LPIN2: variants seen among roughly 807,000 people sequenced by gnomAD.
LPIN2 encodes the protein lipin 2.
LPIN2 carries 55 observed loss-of-function variants against 111.4 expected under a neutral mutation model. The ratio of observed to expected loss-of-function variants is 0.49; its 90% confidence interval spans 0.40 to 0.62. The LOEUF (loss-of-function observed/expected upper bound fraction) is 0.62, where lower values mean the gene tolerates loss of function less well. Among genes scored for constraint, LPIN2 ranks in the 20% least tolerant of loss-of-function variants. The probability of loss-of-function intolerance (pLI) is 0.00; values close to 1 mark genes in which losing one functional copy is unlikely to be tolerated. For missense variants in LPIN2, 992 were observed against 1,112.1 expected (o/e 0.89, Z 1.54); for synonymous variants, 425 against 414.0 (o/e 1.03, Z -0.32).
intron 1 of LPIN2, among the ~76,000 whole-genome samples, chr18:2,977,652 C>T (rs940733545): frequency 3.3e-5 from 5 of 152,046 alleles, no homozygotes; most frequent in East Asian, 1.9e-4. Context: ...AGTATACTCC[C>T]AAGAGCTAAA....
intron 1 of LPIN2, among the ~76,000 whole-genome samples, chr18:3,009,069 C>T (rs1216213649): frequency 6.6e-6 from 1 of 151,812 alleles, no homozygotes; most frequent in Non-Finnish European, 1.5e-5. Context: ...GAGTCTGAGA[C>T]CAGCCTGCGC....
At chr18:2,951,699 G>T (rs1568561028) in intron 3 of LPIN2, among the ~76,000 whole-genome samples, 1 of 152,146 alleles carries the variant, frequency 6.6e-6, no homozygotes. Flanking sequence ...AAAAATCTCA[G>T]GAGGTGTTAC....
Position 2,919,999 on chromosome 18 carries a change from G to A in LPIN2, c.*294C>T, listed in dbSNP as rs2077028411. On this transcript the variant is annotated 3_prime_UTR_variant, in exon 20 of 20. Coordinates refer to ENST00000677752, the MANE Select transcript of LPIN2 (RefSeq NM_001375808.2). ...TGCTTTTTTCTTCCTTTAAAATGAT[G>A]CAATGGAAGGAGGCCCCAGCTCACA... The A allele has an allele frequency of 9.9e-6, 5 of 503,160 alleles. No individual in the cohort carries two copies. The South Asian group carries it at 1.1e-4, about 11-fold the overall frequency. The allele number at this position is 503,160 out of a possible 1,614,324, so 31.2% of individuals were successfully genotyped here.
intron 1 of LPIN2, among the ~76,000 whole-genome samples, chr18:2,963,887 T>G (rs998905724): frequency 2.6e-5 from 4 of 151,780 alleles, no homozygotes; most frequent in African/African-American, 7.3e-5. Context: ...ATAATCACAC[T>G]GGAAACAACT....
chr18:2,924,018 T>A (rs1041986862), intron 15 of LPIN2, among the ~76,000 whole-genome samples, 157 bp from the exon 16 acceptor site: 5 of 152,194 alleles, frequency 3.3e-5, no homozygotes, highest in Non-Finnish European at 7.4e-5. Context: ...GGCCATCCCA[T>A]GCAAACGCAC....
chr18:2,959,535 T>A (rs1023356231), intron 2 of LPIN2, among the ~76,000 whole-genome samples: 1 of 152,216 alleles, frequency 6.6e-6, no homozygotes, highest in South Asian at 2.1e-4. Context: ...GTTATTTAAG[T>A]AGATACTGCG....
intron 1 of LPIN2, among the ~76,000 whole-genome samples, chr18:3,001,663 T>C (rs2078437485): frequency 6.6e-6 from 1 of 151,910 alleles, no homozygotes; most frequent in Admixed American, 6.6e-5. Flanking sequence ...TGGAATCAAA[T>C]CCCACAAGCA....
At chr18:2,987,328 T>C (rs979449814) in intron 1 of LPIN2, among the ~76,000 whole-genome samples, 2 of 152,180 alleles carry the variant, frequency 1.3e-5, no homozygotes, top group Non-Finnish European at 2.9e-5. Context: ...TGGGTTCCTA[T>C]ACTCCAGATC....
In LPIN2 at chr18:2,924,378, A is replaced by G. The variant is rs751499472; in HGVS notation, c.2087+20T>C. The G allele has an allele frequency of 1.2e-6, 2 of 1,613,890 alleles. No individual in the cohort carries two copies. The highest frequency in any genetic ancestry group is 2.7e-5 in the African/African-American group (2 of 74,874). On this transcript the variant is annotated intron_variant, in intron 15 of 19. Coordinates refer to ENST00000677752, the MANE Select transcript of LPIN2 (RefSeq NM_001375808.2). The stretch of plus-strand genomic sequence containing the variant: ...AGCACGGGGCTGTTCCTTGCCACCC[A>G]CCTGAAGGATTGAGCTTACTTGGTT...
At chr18:2,932,925 G>A (rs761605470) in intron 8 of LPIN2, among the ~76,000 whole-genome samples, 8 of 152,118 alleles carry the variant, frequency 5.3e-5, no homozygotes, top group Non-Finnish European at 5.9e-5. Flanking sequence ...AAATTCCATC[G>A]TGGTAGGCCA....
intron 8 of LPIN2, among the ~76,000 whole-genome samples, chr18:2,931,810 A>G (rs2077217141): frequency 6.6e-6 from 1 of 152,236 alleles, no homozygotes; most frequent in Non-Finnish European, 1.5e-5. Context: ...GGTAATTAAG[A>G]AAATCTGCTG....
At chr18:2,999,745 A>G (rs915208316) in intron 1 of LPIN2, among the ~76,000 whole-genome samples, 1 of 152,142 alleles carries the variant, frequency 6.6e-6, no homozygotes, top group Non-Finnish European at 1.5e-5. Context: ...ACCCACCAGC[A>G]GCTAGGAGAG....
At chr18:2,956,314 G>T (rs1224967628) in intron 2 of LPIN2, among the ~76,000 whole-genome samples, 13 of 35,014 alleles carry the variant, frequency 3.7e-4, no homozygotes, top group Non-Finnish European at 9.5e-4. Flanking sequence ...ATGCAGGGGT[G>T]TGTGTGTGTG....
chr18:3,003,629 A>G (rs139036162), intron 1 of LPIN2, among the ~76,000 whole-genome samples: 1 of 152,304 alleles, frequency 6.6e-6, no homozygotes, highest in East Asian at 1.9e-4. Context: ...TAATCATCTT[A>G]TAATTTCTTA....
At chr18:3,009,757 G>T (rs1056409899) in intron 1 of LPIN2, among the ~76,000 whole-genome samples, 1 of 152,182 alleles carries the variant, frequency 6.6e-6, no homozygotes, top group Admixed American at 6.5e-5. Flanking sequence ...CTCATTTCTT[G>T]TTAACAATTT....
At chr18:2,936,856 G>A (rs994369386) in intron 7 of LPIN2, among the ~76,000 whole-genome samples, 5 of 152,166 alleles carry the variant, frequency 3.3e-5, no homozygotes, top group Non-Finnish European at 5.9e-5. Context: ...TGGGATTACA[G>A]GTGTGAGCCA....
At chr18:2,997,967 C>A in intron 1 of LPIN2, among the ~76,000 whole-genome samples, 1 of 152,226 alleles carries the variant, frequency 6.6e-6, no homozygotes, top group East Asian at 1.9e-4. Flanking sequence ...ACATGGTGAC[C>A]GTGAGGCAGA....
chr18:2,924,254 TG>T, intron 15 of LPIN2, 143 bp downstream of exon 15: 1 of 944,342 alleles, frequency 1.1e-6, no homozygotes, highest in Non-Finnish European at 1.7e-6. Context: ...TGGACTGTAC[TG>T]GGGACGCCTC....
chr18:2,926,644 C>G (rs1380303694), intron 13 of LPIN2, 79 bp downstream of exon 13: 5 of 1,254,876 alleles, frequency 4.0e-6, no homozygotes, highest in Middle Eastern at 2.0e-4. Flanking sequence ...ACTAAACAAG[C>G]TGCCAAAATC....
Sources: gnomAD v4.1 joint callset for allele counts (sites outside exome capture counted in the v4.1 genomes callset) on GRCh38, gnomAD v4.1.1 for gene constraint, MANE v1.5 for transcripts, NCBI Gene and HGNC (gene_info 2026-07-23, HGNC 2026-07-21) for gene names.